The following SLC22A25 variants were observed in gnomAD, a reference collection of about 807,000 sequenced individuals.
The protein encoded by SLC22A25 is MGI:2442751, MGI:2385316, MGI:3042283, MGI:3645714, MGI:3605624, MGI:2442750.
Under a neutral mutation model 45.9 loss-of-function variants are expected in SLC22A25, and 44 were observed. That is an observed-to-expected ratio of 0.96 (90% CI 0.75 to 1.23). The LOEUF is 1.23. SLC22A25 is among the 50% of genes most tolerant of loss of function. The pLI is 0.00. For missense variants in SLC22A25, 800 were observed against 666.4 expected (o/e 1.20, Z -2.21); for synonymous variants, 283 against 238.6 (o/e 1.19, Z -1.72).
chr11:63,176,145 A>T (rs1239871449), intron 9 of SLC22A25, among the ~76,000 whole-genome samples: 2 of 152,008 alleles, frequency 1.3e-5, no homozygotes, highest in Non-Finnish European at 1.5e-5. Context: ...TTTTGAAATC[A>T]GGTGGTTGTG....
chr11:63,197,393 G>A lies in SLC22A25; in HGVS notation c.831-13576C>T, dbSNP rs576697928. Among the ~76,000 whole-genome samples the A allele has an allele frequency of 4.2e-3, 633 of 152,240 alleles. 6 individuals carry two copies. The highest frequency in any genetic ancestry group is 0.014 in the African/African-American group (576 of 41,526). On this transcript the variant is annotated intron_variant, in intron 7 of 11. Transcript: ENST00000306494. ...ACAGTCACCAAAACAGCATGGTACT[G>A]GTACCAAAACAGAGATATAGACCAG...
chr11:63,222,501 T>C (rs1433695007), intron 5 of SLC22A25, among the ~76,000 whole-genome samples: 1 of 152,140 alleles, frequency 6.6e-6, no homozygotes, highest in Non-Finnish European at 1.5e-5. Flanking sequence ...AATTTGGGTA[T>C]CAATTTGAAT....
intron 9 of SLC22A25, chr11:63,166,622 G>T (rs573652103): frequency 2.9e-6 from 3 of 1,023,030 alleles, no homozygotes; most frequent in Non-Finnish European, 3.5e-6. Flanking sequence ...AAATAAAAAT[G>T]TACTGATGTC....
intron 7 of SLC22A25, among the ~76,000 whole-genome samples, chr11:63,191,559 CCACT>C (rs2134755492): frequency 6.6e-6 from 1 of 152,190 alleles, no homozygotes; most frequent in African/African-American, 2.4e-5. Flanking sequence ...TGTCCTGCAC[CCACT>C]GTCTGACACT....
chr11:63,184,682 CATCTCAAACTTT>C (rs2088456836), intron 7 of SLC22A25, among the ~76,000 whole-genome samples: 1 of 152,104 alleles, frequency 6.6e-6, no homozygotes, highest in Non-Finnish European at 1.5e-5. Flanking sequence ...CAATTAAAAG[CATCTCAAACTTT>C]ATCACAAATT....
intron 8 of SLC22A25, among the ~76,000 whole-genome samples, chr11:63,181,944 G>T (rs958258377): frequency 2.6e-5 from 4 of 151,978 alleles, no homozygotes; most frequent in Non-Finnish European, 4.4e-5. Flanking sequence ...GTGTGGTTTG[G>T]GCATAGGAGA....
At chr11:63,165,316 C>T (rs566466053) in intron 10 of SLC22A25, among the ~76,000 whole-genome samples, 1 of 152,260 alleles carries the variant, frequency 6.6e-6, no homozygotes, top group South Asian at 2.1e-4. Flanking sequence ...TCACTGCTGA[C>T]ATTCAAGAGG....
intron 1 of SLC22A25, chr11:63,243,035 A>G: frequency 6.4e-6 from 1 of 155,844 alleles, no homozygotes; most frequent in South Asian, 2.0e-4. Flanking sequence ...AAACAAACAC[A>G]CTTTTCCAGT....
chr11:63,240,038 G>T (rs1470066724), intron 1 of SLC22A25, among the ~76,000 whole-genome samples: 1 of 152,110 alleles, frequency 6.6e-6, no homozygotes, highest in Non-Finnish European at 1.5e-5. Context: ...ATATGGTGTA[G>T]TCTAATGCAC....
At chr11:63,187,209 G>C (rs1049026682) in intron 7 of SLC22A25, among the ~76,000 whole-genome samples, 15 of 151,820 alleles carry the variant, frequency 9.9e-5, no homozygotes, top group Non-Finnish European at 1.6e-4. Context: ...TTTTTATCCT[G>C]TTTTATTTCA....
At chr11:63,213,095 G>A (rs923323606) in intron 7 of SLC22A25, among the ~76,000 whole-genome samples, 1 of 152,202 alleles carries the variant, frequency 6.6e-6, no homozygotes, top group Non-Finnish European at 1.5e-5. Flanking sequence ...CAAGGAGGCT[G>A]TATGTGCATT....
chr11:63,168,300 A>G (rs2087756507), intron 9 of SLC22A25, among the ~76,000 whole-genome samples: 1 of 152,188 alleles, frequency 6.6e-6, no homozygotes, highest in African/African-American at 2.4e-5. Flanking sequence ...AGGGCATTAA[A>G]CTGGATGGAG....
chr11:63,173,852 C>T (rs1332083815), intron 9 of SLC22A25, among the ~76,000 whole-genome samples: 10 of 151,206 alleles, frequency 6.6e-5, no homozygotes, highest in African/African-American at 2.4e-4. Flanking sequence ...TTTATGCTTT[C>T]CATTGGAAGA....
At chr11:63,200,393 A>G (rs566393742) in intron 7 of SLC22A25, among the ~76,000 whole-genome samples, 1 of 151,350 alleles carries the variant, frequency 6.6e-6, no homozygotes, top group African/African-American at 2.4e-5. Context: ...AAACAGAACT[A>G]AAGACAAAAA....
At chr11:63,166,014 T>A (rs1474964752) in intron 10 of SLC22A25, 30 bp downstream of exon 10, 1 of 1,607,776 alleles carries the variant, frequency 6.2e-7, no homozygotes, top group Non-Finnish European at 8.5e-7. Context: ...GAAAGACATT[T>A]TCTTTCTTCC....
intron 7 of SLC22A25, among the ~76,000 whole-genome samples, chr11:63,201,373 C>A (rs1590854605): frequency 6.6e-6 from 1 of 152,250 alleles, no homozygotes; most frequent in East Asian, 1.9e-4. Flanking sequence ...ACTCTCTGAT[C>A]TTCAACAAAA....
intron 7 of SLC22A25, among the ~76,000 whole-genome samples, chr11:63,186,473 A>G (rs1355987276): frequency 3.3e-5 from 5 of 149,294 alleles, no homozygotes; most frequent in Non-Finnish European, 7.5e-5. Context: ...GATTGCAAAA[A>G]TTTTCTCCCA....
intron 3 of SLC22A25, among the ~76,000 whole-genome samples, chr11:63,236,029 T>G (rs2090156515): frequency 6.6e-6 from 1 of 152,132 alleles, no homozygotes; most frequent in Non-Finnish European, 1.5e-5. Flanking sequence ...AGTACCCAGC[T>G]GTGTGAGGTG....
chr11:63,191,978 C>T (rs1052513580), intron 7 of SLC22A25, among the ~76,000 whole-genome samples: 1 of 151,856 alleles, frequency 6.6e-6, no homozygotes, highest in African/African-American at 2.4e-5. Flanking sequence ...AGGAAATGCA[C>T]AGAATTCCAG....
Sources: gnomAD v4.1 joint callset for allele counts (sites outside exome capture counted in the v4.1 genomes callset) on GRCh38, gnomAD v4.1.1 for gene constraint, MANE v1.5 for transcripts, NCBI Gene and HGNC (gene_info 2026-07-23, HGNC 2026-07-21) for gene names.